The following NRP1 variants were observed in gnomAD, a reference collection of about 807,000 sequenced individuals.
The protein encoded by NRP1 is neuropilin 1.
Under a neutral mutation model 106.7 loss-of-function variants are expected in NRP1, and 35 were observed. The ratio of observed to expected loss-of-function variants is 0.33; its 90% CI spans 0.25 to 0.43. The LOEUF (loss-of-function observed/expected upper bound fraction) is 0.43. NRP1 is among the 20% of genes least tolerant of loss of function. NRP1 has a pLI of 1.00. For synonymous variants in NRP1, 437 were observed against 417.9 expected, an observed-to-expected ratio of 1.05 and a Z score of -0.56; for missense variants, 1,024 against 1,170.4, an observed-to-expected ratio of 0.87 and a Z score of 1.83.
At chr10:33,331,696 T>C (rs1326925716) in intron 1 of NRP1, among the ~76,000 whole-genome samples, 1 of 152,224 alleles carries the variant, frequency 6.6e-6, no homozygotes, top group Non-Finnish European at 1.5e-5. Flanking sequence ...GTTTTGAGCC[T>C]TCATTTCAAA....
intron 2 of NRP1, 110 bp from the exon 3 acceptor site, chr10:33,270,966 G>T: frequency 1.1e-6 from 1 of 896,256 alleles, no homozygotes; most frequent in Admixed American, 3.2e-5. Flanking sequence ...AGAAAAAAAA[G>T]TTCTATCTGC....
chr10:33,204,520 T>TA (rs373314825), intron 10 of NRP1, among the ~76,000 whole-genome samples: 73 of 152,338 alleles, frequency 4.8e-4, no homozygotes, highest in African/African-American at 1.7e-3. Flanking sequence ...TTGCTCCAGA[T>TA]AATGTGCTAC....
chr10:33,188,291 G>A (rs1836151814), intron 13 of NRP1, among the ~76,000 whole-genome samples: 1 of 152,148 alleles, frequency 6.6e-6, no homozygotes, highest in Non-Finnish European at 1.5e-5. Context: ...TCAGAGAATG[G>A]GTGTTAGAAA....
At chr10:33,204,921 A>G (rs1837643609) in intron 10 of NRP1, among the ~76,000 whole-genome samples, 1 of 151,998 alleles carries the variant, frequency 6.6e-6, no homozygotes, top group Non-Finnish European at 1.5e-5. Context: ...TAGTAGAGAC[A>G]GGATTTCACC....
At chr10:33,232,487 A>G (rs1840220859) in intron 6 of NRP1, among the ~76,000 whole-genome samples, 1 of 152,100 alleles carries the variant, frequency 6.6e-6, no homozygotes, top group South Asian at 2.1e-4. Flanking sequence ...ATGGAATGGA[A>G]CATCAAATGC....
chr10:33,210,699 T>G lies in NRP1; in HGVS notation c.1614+2687A>C, dbSNP rs2383986. ...TAGCTTGCCCATTACCCACTATTTTTGGGGTAGAGAGTGAGGAAAGGGCAT... is the reference window on the plus strand; with the variant it reads ...TAGCTTGCCCATTACCCACTATTTTGGGGGTAGAGAGTGAGGAAAGGGCAT... On this transcript the variant is annotated intron_variant, in intron 9 of 16. Coordinates refer to ENST00000374867, the MANE Select transcript of NRP1 (RefSeq NM_003873.7). Among the ~76,000 whole-genome samples the G allele has an allele frequency of 3.9e-3, 592 of 152,316 alleles. 4 individuals carry two copies. The highest frequency in any genetic ancestry group is 0.013 in the African/African-American group (534 of 41,584).
chr10:33,262,857 T>C (rs554952652), intron 4 of NRP1, among the ~76,000 whole-genome samples: 2 of 152,330 alleles, frequency 1.3e-5, no homozygotes, highest in South Asian at 2.1e-4. Context: ...CCTTCTAACA[T>C]TTCATGCACA....
chr10:33,315,592 C>G (rs1383790923), intron 2 of NRP1, among the ~76,000 whole-genome samples: 2 of 152,204 alleles, frequency 1.3e-5, no homozygotes, highest in Non-Finnish European at 1.5e-5. Context: ...CAATACTAGT[C>G]TCTGTAACTA....
At chr10:33,263,557 A>T in intron 4 of NRP1, 89 bp downstream of exon 4, 2 of 906,236 alleles carry the variant, frequency 2.2e-6, no homozygotes, top group Admixed American at 2.6e-5. Flanking sequence ...GTTTTTTTTA[A>T]TGATTCATGT....
intron 2 of NRP1, among the ~76,000 whole-genome samples, chr10:33,319,246 T>TCCGC: frequency 6.6e-6 from 1 of 152,144 alleles, no homozygotes; most frequent in South Asian, 2.1e-4. Flanking sequence ...GACCTCGTGA[T>TCCGC]CCGCCCGCCT....
At chr10:33,300,100 A>C (rs1266771594) in intron 2 of NRP1, among the ~76,000 whole-genome samples, 2 of 152,172 alleles carry the variant, frequency 1.3e-5, no homozygotes, top group African/African-American at 4.8e-5. Flanking sequence ...ATTCCTGTAC[A>C]ACCTGCTCCT....
At chr10:33,277,006 G>A (rs1455276732) in intron 2 of NRP1, among the ~76,000 whole-genome samples, 1 of 151,858 alleles carries the variant, frequency 6.6e-6, no homozygotes, top group Non-Finnish European at 1.5e-5. Context: ...TTGGGATGCT[G>A]AGGTGGGAGG....
intron 6 of NRP1, among the ~76,000 whole-genome samples, chr10:33,245,056 T>G (rs1841317113): frequency 6.6e-6 from 1 of 152,228 alleles, no homozygotes; most frequent in South Asian, 2.1e-4. Flanking sequence ...TGAAGCTATT[T>G]TCCTGCATAA....
At chr10:33,202,815 C>A (rs1419245764) in intron 11 of NRP1, 76 bp downstream of exon 11, 2 of 1,613,354 alleles carry the variant, frequency 1.2e-6, no homozygotes, top group East Asian at 4.5e-5. Flanking sequence ...TACAAGCACA[C>A]ACACAGGCGT....
chr10:33,292,159 G>A (rs1456596313), intron 2 of NRP1, among the ~76,000 whole-genome samples: 2 of 152,158 alleles, frequency 1.3e-5, no homozygotes, highest in East Asian at 3.9e-4. Context: ...GCCTCTCAAA[G>A]TGCTGGGATT....
At chr10:33,249,345 T>C (rs1403947796) in intron 6 of NRP1, 9 of 415,982 alleles carry the variant, frequency 2.2e-5, no homozygotes, top group Non-Finnish European at 4.2e-5. Flanking sequence ...TTTGCGGAAA[T>C]GAAAAGGAAA....
chr10:33,226,040 A>T (rs2132939051), intron 7 of NRP1, 94 bp downstream of exon 7: 1 of 1,373,180 alleles, frequency 7.3e-7, no homozygotes, highest in South Asian at 1.3e-5. Context: ...TCAAAAATAA[A>T]CCAGGCCAGA....
chr10:33,278,890 G>A (rs1843906302), intron 2 of NRP1, among the ~76,000 whole-genome samples: 1 of 152,110 alleles, frequency 6.6e-6, no homozygotes, highest in Non-Finnish European at 1.5e-5. Flanking sequence ...ATGATTAATT[G>A]ATGAGATAGG....
intron 2 of NRP1, among the ~76,000 whole-genome samples, chr10:33,282,960 G>A (rs1203612140): frequency 1.3e-5 from 2 of 152,142 alleles, no homozygotes; most frequent in African/African-American, 4.8e-5. Flanking sequence ...TGGCCAGGCT[G>A]ATCTTGAACT....
Sources: gnomAD v4.1 joint callset for allele counts (sites outside exome capture counted in the v4.1 genomes callset) on GRCh38, gnomAD v4.1.1 for gene constraint, MANE v1.5 for transcripts, NCBI Gene and HGNC (gene_info 2026-07-23, HGNC 2026-07-21) for gene names.